HMGCLL1: variants seen among roughly 807,000 people sequenced by gnomAD.
The protein encoded by HMGCLL1 is 3-hydroxymethyl-3-methylglutaryl-CoA lyase, cytoplasmic.
A neutral mutation model predicts 39.1 loss-of-function variants in HMGCLL1; 36 were observed. The ratio of observed to expected loss-of-function variants is 0.92; its 90% CI spans 0.71 to 1.22. The LOEUF is 1.22. Among genes scored for constraint, HMGCLL1 ranks in the 50% most tolerant of loss-of-function variants. The pLI, the probability that HMGCLL1 is intolerant of heterozygous loss-of-function variation, is 0.00. For missense variants in HMGCLL1, 451 were observed against 416.5 expected, an observed-to-expected ratio of 1.08 and a Z score of -0.72; for synonymous variants, 149 against 144.0, an observed-to-expected ratio of 1.03 and a Z score of -0.25.
At chr6:55,627,720 C>T in the HMGCLL1 span, among the ~76,000 whole-genome samples, 2 of 147,372 alleles carry the variant, frequency 1.4e-5, no homozygotes, top group African/African-American at 5.0e-5. Context: ...TCTAGCCTCC[C>T]AGCCTACATC....
At chr6:55,628,479 T>G in the HMGCLL1 span, among the ~76,000 whole-genome samples, 8 of 151,054 alleles carry the variant, frequency 5.3e-5, no homozygotes, top group Non-Finnish European at 1.2e-4. Flanking sequence ...ATTTTTGTAT[T>G]TTTTAGTAGA....
chr6:55,562,097 T>C (rs1468626312), intron 1 of HMGCLL1, among the ~76,000 whole-genome samples: 1 of 151,928 alleles, frequency 6.6e-6, no homozygotes, highest in Non-Finnish European at 1.5e-5. Flanking sequence ...TCTAATGTAG[T>C]TTATATATTT....
the HMGCLL1 span, among the ~76,000 whole-genome samples, chr6:55,622,926 T>C: frequency 2.0e-5 from 3 of 152,074 alleles, no homozygotes; most frequent in Non-Finnish European, 4.4e-5. Flanking sequence ...TTATTATGGC[T>C]TTGATCTCAT....
intron 5 of HMGCLL1, among the ~76,000 whole-genome samples, chr6:55,503,954 T>A (rs921700150): frequency 3.3e-5 from 5 of 151,708 alleles, no homozygotes; most frequent in African/African-American, 1.2e-4. Flanking sequence ...TAACCCCATG[T>A]CTCTCCACTT....
At chr6:55,629,347 G>C in the HMGCLL1 span, among the ~76,000 whole-genome samples, 2 of 152,178 alleles carry the variant, frequency 1.3e-5, no homozygotes, top group African/African-American at 2.4e-5. Flanking sequence ...AGATGATTTA[G>C]TATATCTGGC....
chr6:55,563,212 G>C (rs1323467925), intron 1 of HMGCLL1, among the ~76,000 whole-genome samples: 1 of 152,060 alleles, frequency 6.6e-6, no homozygotes, highest in East Asian at 1.9e-4. Flanking sequence ...GTATTCAAAT[G>C]TTTAGTTGAT....
At chr6:55,585,290 A>G in the HMGCLL1 span, among the ~76,000 whole-genome samples, 1 of 152,150 alleles carries the variant, frequency 6.6e-6, no homozygotes, top group African/African-American at 2.4e-5. Context: ...CTAATTCAGA[A>G]GGATCCAAAA....
intron 7 of HMGCLL1, among the ~76,000 whole-genome samples, chr6:55,479,253 A>G (rs1765606830): frequency 6.6e-6 from 1 of 151,708 alleles, no homozygotes; most frequent in South Asian, 2.1e-4. Flanking sequence ...TTTAACTGTC[A>G]GGCAGTCTAG....
intron 5 of HMGCLL1, among the ~76,000 whole-genome samples, chr6:55,501,112 A>ACTCTGTCTCATTTCATGTTCATATGCACT (rs59233169): frequency 6.6e-6 from 1 of 151,356 alleles, no homozygotes; most frequent in Non-Finnish European, 1.5e-5. Flanking sequence ...AGATCTTCAC[A>ACTCTGTCTCATTTCATGTTCATATGCACT]CTGTCTCATT....
chr6:55,473,415 A>G (rs1290105918), intron 7 of HMGCLL1, among the ~76,000 whole-genome samples: 1 of 151,356 alleles, frequency 6.6e-6, no homozygotes, highest in East Asian at 1.9e-4. Flanking sequence ...TAAAATTTTT[A>G]GTGATTTATC....
At chr6:55,541,964 A>C in intron 2 of HMGCLL1, 96 bp downstream of exon 2, 1 of 980,302 alleles carries the variant, frequency 1.0e-6, no homozygotes, top group South Asian at 1.5e-5. Flanking sequence ...ATTGAGAAAA[A>C]ATATAATCAG....
upstream of HMGCLL1, among the ~76,000 whole-genome samples, chr6:55,581,921 A>C (rs890300940): frequency 1.3e-5 from 2 of 152,160 alleles, no homozygotes; most frequent in African/African-American, 4.8e-5. Flanking sequence ...TTTACTATGT[A>C]CAAAAGCATT....
chr6:55,540,598 C>A (rs933051131), intron 3 of HMGCLL1, among the ~76,000 whole-genome samples: 2 of 152,122 alleles, frequency 1.3e-5, no homozygotes, highest in Admixed American at 6.5e-5. Flanking sequence ...AGAAATAGTT[C>A]TCCTGCTGTT....
chr6:55,505,003 T>C (rs1251935011), intron 5 of HMGCLL1, among the ~76,000 whole-genome samples: 1 of 151,660 alleles, frequency 6.6e-6, no homozygotes, highest in Non-Finnish European at 1.5e-5. Flanking sequence ...CTTGCTAAAA[T>C]TAACAAAAAA....
At chr6:55,536,166 T>A (rs936711592) in intron 3 of HMGCLL1, among the ~76,000 whole-genome samples, 1 of 152,198 alleles carries the variant, frequency 6.6e-6, no homozygotes, top group Non-Finnish European at 1.5e-5. Context: ...TTTTTAAGTT[T>A]TAGAGTGACT....
At chr6:55,544,067 C>T (rs759636906) in intron 1 of HMGCLL1, among the ~76,000 whole-genome samples, 3 of 151,996 alleles carry the variant, frequency 2.0e-5, no homozygotes, top group African/African-American at 7.3e-5. Context: ...ACCTAAGTGT[C>T]GCTCCCTGAA....
chr6:55,567,293 A>C (rs572899705), intron 1 of HMGCLL1, among the ~76,000 whole-genome samples: 8 of 152,300 alleles, frequency 5.3e-5, no homozygotes, highest in South Asian at 4.1e-4. Flanking sequence ...AAAATGTATA[A>C]AACAATTTAT....
At chr6:55,507,294 T>A (rs1371696048) in intron 5 of HMGCLL1, among the ~76,000 whole-genome samples, 1 of 151,734 alleles carries the variant, frequency 6.6e-6, no homozygotes, top group Non-Finnish European at 1.5e-5. Context: ...GTTATAATAC[T>A]ATCGACAGTT....
At chr6:55,577,725 T>C (rs1460088808) in intron 1 of HMGCLL1, among the ~76,000 whole-genome samples, 1 of 152,190 alleles carries the variant, frequency 6.6e-6, no homozygotes, top group Non-Finnish European at 1.5e-5. Context: ...GGTTCCTGAT[T>C]AAATAACAGA....
Sources: allele counts gnomAD v4.1 joint callset (sites outside exome capture counted in the v4.1 genomes callset), GRCh38; gene constraint gnomAD v4.1.1; transcripts MANE v1.5; gene names NCBI Gene and HGNC (gene_info 2026-07-23, HGNC 2026-07-21).